Variants in IFT140 observed in about 807,000 individuals in gnomAD.
The protein encoded by IFT140 is intraflagellar transport protein 140 homolog.
IFT140 carries 133 observed loss-of-function variants against 164.6 expected under a neutral mutation model. The observed-to-expected ratio is 0.81, with a 90% CI of 0.70 to 0.93. The LOEUF (loss-of-function observed/expected upper bound fraction) is 0.93. IFT140 is among the 40% of genes least tolerant of loss of function. The pLI is 0.00. For missense variants in IFT140, 2,045 were observed against 1,972.3 expected, an observed-to-expected ratio of 1.04 and a Z score of -0.70; for synonymous variants, 860 against 817.3, an observed-to-expected ratio of 1.05 and a Z score of -0.89.
intron 19 of IFT140, chr16:1,555,111 C>T (rs1389322540): frequency 6.6e-7 from 1 of 1,503,994 alleles, no homozygotes; most frequent in Non-Finnish European, 8.9e-7. Context: ...CAAGTCACTT[C>T]CCCTGCTCGT....
chr16:1,523,006 A>G (rs2141160736), intron 26 of IFT140, among the ~76,000 whole-genome samples: 1 of 152,118 alleles, frequency 6.6e-6, no homozygotes, highest in East Asian at 1.9e-4. Flanking sequence ...GGATTGCTTG[A>G]GCCCAGGAGT....
chr16:1,567,929 C>T (rs2033807307), intron 15 of IFT140, among the ~76,000 whole-genome samples: 1 of 152,184 alleles, frequency 6.6e-6, no homozygotes, highest in Non-Finnish European at 1.5e-5. Context: ...AGCAACTCTC[C>T]AACAAGGAAT....
intron 7 of IFT140, among the ~76,000 whole-genome samples, chr16:1,588,772 C>T (rs1432893366): frequency 6.6e-6 from 1 of 152,076 alleles, no homozygotes; most frequent in Non-Finnish European, 1.5e-5. Flanking sequence ...ACTGCATACC[C>T]CAAACTCATA....
rs377239472 is a variant in IFT140 at position 1,518,388 on chromosome 16, C to G, written c.4041-31G>C. 6.9e-6 allele frequency: 11 copies of G among 1,598,670 alleles called. No individual in the cohort carries two copies. In the Admixed American group the frequency reaches 1.5e-4, roughly 22 times the overall value. ...GAGAGCAGAGATGAGGCCTGGGCCC[C>G]GAAGCCCTGAACACCTACTGCTATC... is the stretch of plus-strand genomic sequence containing the variant. On this transcript the variant is annotated intron_variant, in intron 29 of 30. Transcript: ENST00000426508.
At position 1,592,592 on chromosome 16, in the gene IFT140, G is replaced by C; in HGVS notation, c.370-4C>G. On this transcript the variant is annotated splice_region_variant and splice_polypyrimidine_tract_variant and intron_variant, in intron 4 of 30. Transcript: ENST00000426508. ...TCCACAAGAGCAAGACACCAAGCTG[G>C]AAAGACCCAACACCACGTGTTAGGA... 6.2e-7 allele frequency: 1 copy of C among 1,613,864 alleles called. No homozygotes were observed. The highest frequency in any genetic ancestry group is 8.5e-7 in the Non-Finnish European group (1 of 1,179,840).
At chr16:1,588,134 G>C in intron 7 of IFT140, 110 bp from the exon 8 acceptor site, 1 of 796,288 alleles carries the variant, frequency 1.3e-6, no homozygotes, top group Non-Finnish European at 2.0e-6. Context: ...GACTCACCAA[G>C]TGGGGGAAAC....
At chr16:1,520,546 GCC>G in intron 27 of IFT140, 54 bp downstream of exon 27, 1 of 1,497,716 alleles carries the variant, frequency 6.7e-7, no homozygotes, top group East Asian at 2.5e-5. Flanking sequence ...CGTGCAGGGG[GCC>G]CGCAGCCTAA....
At chr16:1,606,229 C>T (rs147249891) in intron 3 of IFT140, among the ~76,000 whole-genome samples, 1 of 152,228 alleles carries the variant, frequency 6.6e-6, no homozygotes, top group African/African-American at 2.4e-5. Context: ...CCCTATGGAG[C>T]GTGCAGGAGG....
chr16:1,554,925 A>T, intron 19 of IFT140: 1 of 1,614,198 alleles, frequency 6.2e-7, no homozygotes, highest in Non-Finnish European at 8.5e-7. Context: ...TCTCCACAAG[A>T]GGGAGGACTG....
At chr16:1,599,866 C>T (rs112413260) in intron 4 of IFT140, among the ~76,000 whole-genome samples, 2 of 97,574 alleles carry the variant, frequency 2.0e-5, no homozygotes, top group South Asian at 3.7e-4. Context: ...CCGCCCCGTC[C>T]GGGAGGTGAG....
chr16:1,538,086 A>G (rs8051295), intron 19 of IFT140, among the ~76,000 whole-genome samples: 67,145 of 152,136 alleles, frequency 0.44, 16,401 homozygotes, highest in African/African-American at 0.65. Context: ...ACACCCAAGC[A>G]GTGAACGCCA....
chr16:1,602,324 G>T (rs2035835032), intron 4 of IFT140, 46 bp downstream of exon 4: 1 of 1,539,346 alleles, frequency 6.5e-7, no homozygotes, highest in South Asian at 1.1e-5. Flanking sequence ...AGCATGGTCA[G>T]AAAGGGTCAA....
intron 8 of IFT140, among the ~76,000 whole-genome samples, 192 bp from the exon 9 acceptor site, chr16:1,587,496 T>C (rs1233864753): frequency 6.6e-6 from 1 of 152,232 alleles, no homozygotes; most frequent in Non-Finnish European, 1.5e-5. Flanking sequence ...AAGAAAGCCG[T>C]TGCCGATAGA....
At chr16:1,538,009 T>C (rs1179329092) in intron 19 of IFT140, among the ~76,000 whole-genome samples, 1 of 152,184 alleles carries the variant, frequency 6.6e-6, no homozygotes, top group East Asian at 1.9e-4. Flanking sequence ...AGTCAGCTGC[T>C]ACCACGCACA....
At chr16:1,544,894 C>T (rs911827486) in intron 19 of IFT140, among the ~76,000 whole-genome samples, 3 of 152,166 alleles carry the variant, frequency 2.0e-5, no homozygotes, top group Non-Finnish European at 2.9e-5. Flanking sequence ...GTGATCCGCC[C>T]GCCTCGGCCT....
chr16:1,525,353 C>G, intron 21 of IFT140, 27 bp from the exon 22 acceptor site: 1 of 1,564,280 alleles, frequency 6.4e-7, no homozygotes, highest in Non-Finnish European at 8.8e-7. Flanking sequence ...CAGAGGTCCT[C>G]GTTCCCTCCC....
rs753944576 is a variant in IFT140, at chr16:1,523,744, G to A, written c.3271-44C>T. On this transcript the variant is annotated intron_variant, in intron 25 of 30. Transcript: ENST00000426508. ...CTGAGCAGCTGCCCGAGGCCTGGGG[G>A]CCCGAGCACGGAGGCCTCGCACAGG... 6 of 1,606,038 alleles carry A rather than the reference G, an allele frequency of 3.7e-6. No homozygotes were observed. In the South Asian group the frequency reaches 6.6e-5, roughly 18 times the overall value.
chr16:1,555,461 T>C (rs953925456), intron 19 of IFT140: 1 of 182,276 alleles, frequency 5.5e-6, no homozygotes, highest in Non-Finnish European at 1.2e-5. Flanking sequence ...CAATATTCCT[T>C]GAGTGAGTCA....
chr16:1,604,285 G>GTGTA (rs2035946208), intron 3 of IFT140: 1 of 132,724 alleles, frequency 7.5e-6, no homozygotes, highest in Admixed American at 7.5e-5. Context: ...GTGTGTGTGT[G>GTGTA]TGTGTGTGTG....
Sources: gnomAD v4.1 joint callset for allele counts (sites outside exome capture counted in the v4.1 genomes callset) on GRCh38, gnomAD v4.1.1 for gene constraint, MANE v1.5 for transcripts, NCBI Gene and HGNC (gene_info 2026-07-23, HGNC 2026-07-21) for gene names.